DNAL1: variants seen among roughly 807,000 people sequenced by gnomAD.
DNAL1 encodes the protein chromosome 14 open reading frame 168.
A neutral mutation model predicts 29.4 loss-of-function variants in DNAL1; 17 were observed. That is an observed-to-expected ratio of 0.58 (90% CI 0.40 to 0.87). The LOEUF (loss-of-function observed/expected upper bound fraction) is 0.87. Among genes scored for constraint, DNAL1 ranks in the 40% least tolerant of loss-of-function variants. The pLI, the probability that DNAL1 is intolerant of heterozygous loss-of-function variation, is 0.00. For synonymous variants in DNAL1, 78 were observed against 76.3 expected, an observed-to-expected ratio of 1.02 and a Z score of -0.12; for missense variants, 188 against 214.1, an observed-to-expected ratio of 0.88 and a Z score of 0.76.
rs71112792 is a variant in DNAL1, at chr14:73,681,605, CAAAA to C, written c.265-5628_265-5625del. Among the ~76,000 whole-genome samples the C allele has an allele frequency of 1.8e-3, 97 of 52,768 alleles. 1 individual carries two copies. Among genetic ancestry groups the C allele is most frequent in the African/African-American group, 8.1e-3 (70 of 8,682 alleles). 34.6% of individuals were successfully genotyped at this position (52,768 alleles called of 152,430 possible). ...CAACATAGCGAGACCCCATCTCTAC[CAAAA>C]AAAAAAAAAAAAAAAAAAAAAAAAA... On this transcript the variant is annotated intron_variant, in intron 5 of 7. Coordinates refer to ENST00000553645, the MANE Select transcript of DNAL1 (RefSeq NM_031427.4).
intron 1 of DNAL1, among the ~76,000 whole-genome samples, chr14:73,646,154 T>C (rs1890971902): frequency 6.6e-6 from 1 of 152,226 alleles, no homozygotes; most frequent in South Asian, 2.1e-4. Flanking sequence ...TTCTGGAACC[T>C]AGGTTTATAT....
intron 4 of DNAL1, among the ~76,000 whole-genome samples, chr14:73,668,536 C>A (rs187931198): frequency 1.3e-5 from 2 of 152,170 alleles, no homozygotes; most frequent in East Asian, 3.9e-4. Context: ...GTAACAAAGT[C>A]CCACAGATTG....
intron 2 of DNAL1, among the ~76,000 whole-genome samples, chr14:73,656,830 T>C (rs1327945940): frequency 6.6e-6 from 1 of 152,194 alleles, no homozygotes; most frequent in African/African-American, 2.4e-5. Context: ...TCTCCTCCTC[T>C]AACCTACAAA....
intron 5 of DNAL1, among the ~76,000 whole-genome samples, chr14:73,682,705 C>T (rs1249835243): frequency 1.3e-5 from 2 of 151,654 alleles, no homozygotes; most frequent in Admixed American, 6.6e-5. Context: ...ATACATTAGC[C>T]TAGGCCTACC....
chr14:73,681,622 AAAAAAAAAAAAATAT>A (rs1448715939), intron 5 of DNAL1, among the ~76,000 whole-genome samples: 3 of 47,700 alleles, frequency 6.3e-5, no homozygotes, highest in African/African-American at 2.0e-4. Context: ...AAAAAAAAAA[AAAAAAAAAAAAATAT>A]ATATATATAT....
chr14:73,685,433 CGT>C (rs894815896), intron 5 of DNAL1, among the ~76,000 whole-genome samples: 1 of 149,612 alleles, frequency 6.7e-6, no homozygotes, highest in African/African-American at 2.5e-5. Flanking sequence ...CATGTTGTAG[CGT>C]GTGTCAGAAT....
intron 1 of DNAL1, among the ~76,000 whole-genome samples, chr14:73,647,650 T>C (rs2077880666): frequency 6.6e-6 from 1 of 152,190 alleles, no homozygotes; most frequent in African/African-American, 2.4e-5. Context: ...GTTGGCCAGT[T>C]TTACTTATTA....
chr14:73,685,041 T>C (rs1261505117), intron 5 of DNAL1, among the ~76,000 whole-genome samples: 1 of 152,218 alleles, frequency 6.6e-6, no homozygotes, highest in Non-Finnish European at 1.5e-5. Flanking sequence ...CCTTAAAAAA[T>C]CATAAATTTT....
chr14:73,687,089 T>C (rs1892036710), intron 5 of DNAL1, among the ~76,000 whole-genome samples, 170 bp from the exon 6 acceptor site: 1 of 151,066 alleles, frequency 6.6e-6, no homozygotes, highest in Non-Finnish European at 1.5e-5. Context: ...ATGTTCTACT[T>C]AGCTCCCTCA....
At chr14:73,694,138 G>A (rs948766372) in intron 7 of DNAL1, among the ~76,000 whole-genome samples, 2 of 151,514 alleles carry the variant, frequency 1.3e-5, no homozygotes, top group African/African-American at 4.9e-5. Context: ...GGGCACGGTG[G>A]CATGCACCTG....
Position 73,701,023 on chromosome 14 carries a change from A to C in DNAL1, c.*5081A>C, listed in dbSNP as rs1007345731. Reference sequence around the variant, plus strand: ...TGTATCTCTATTCCTGCATTTTATAAATCTGTAAAGGAAGAAAACTGAAAG... The same window carrying C: ...TGTATCTCTATTCCTGCATTTTATACATCTGTAAAGGAAGAAAACTGAAAG... On this transcript the variant is annotated 3_prime_UTR_variant, in exon 8 of 8. Transcript: ENST00000553645. 6.6e-6 allele frequency: 1 copy of C among 152,246 alleles called. No homozygotes were observed. Among genetic ancestry groups the C allele is most frequent in the African/African-American group, 2.4e-5 (1 of 41,468 alleles). The allele number at this position is 152,246 out of a possible 1,614,324, so 9.4% of individuals were successfully genotyped here. A position where few individuals can be genotyped will look rare whatever the true frequency, so the allele number is the denominator to read the frequency against.
At chr14:73,666,502 A>G (rs1441291621) in intron 4 of DNAL1, among the ~76,000 whole-genome samples, 1 of 152,224 alleles carries the variant, frequency 6.6e-6, no homozygotes, top group Non-Finnish European at 1.5e-5. Context: ...ATACTGTATG[A>G]AGAAAACAAT....
At chr14:73,691,846 ACCC>A (rs775100350) in intron 7 of DNAL1, among the ~76,000 whole-genome samples, 34 of 102,982 alleles carry the variant, frequency 3.3e-4, no homozygotes, top group Admixed American at 6.9e-4. Flanking sequence ...GGCGTGCGCC[ACCC>A]CCCCCCCCCA....
At position 73,702,078 on chromosome 14, in the gene DNAL1, GGTGTGTGTGTGTGTGT is replaced by G. The variant is rs10679978; in HGVS notation, c.*6148_*6163del. On this transcript the variant is annotated 3_prime_UTR_variant, in exon 8 of 8. Transcript: ENST00000553645. ...ATAACATGTACCATGCAGTTTGTGT[GGTGTGTGTGTGTGTGT>G]GTGTGTGTGTGCACGTGCATGAGAG... The G allele has an allele frequency of 4.1e-5, 6 of 147,652 alleles. No individual in the cohort carries two copies. Among genetic ancestry groups the G allele is most frequent in the African/African-American group, 1.5e-4 (6 of 38,954 alleles). The allele number at this position is 147,652 out of a possible 1,614,324, so 9.1% of individuals were successfully genotyped here. A position where few individuals can be genotyped will look rare whatever the true frequency, so the allele number is the denominator to read the frequency against.
chr14:73,660,859 A>C (rs1891325625), intron 3 of DNAL1, among the ~76,000 whole-genome samples: 1 of 152,208 alleles, frequency 6.6e-6, no homozygotes, highest in South Asian at 2.1e-4. Context: ...ACCTCGAGTC[A>C]ACCTGTTCAT....
chr14:73,676,771 G>A (rs1030729502), intron 5 of DNAL1, among the ~76,000 whole-genome samples: 1 of 151,624 alleles, frequency 6.6e-6, no homozygotes, highest in South Asian at 2.1e-4. Context: ...ATGTCCCTCA[G>A]CAGTTATTTG....
chr14:73,684,639 A>G (rs1458544279), intron 5 of DNAL1, among the ~76,000 whole-genome samples: 3 of 152,172 alleles, frequency 2.0e-5, no homozygotes, highest in Admixed American at 6.5e-5. Context: ...GCTCACGCCT[A>G]TAGTCCTAGC....
chr14:73,686,699 C>T (rs895930659), intron 5 of DNAL1, among the ~76,000 whole-genome samples: 7 of 152,196 alleles, frequency 4.6e-5, no homozygotes, highest in Admixed American at 2.6e-4. Context: ...CAGAGTGAGA[C>T]CCTGTCTCAA....
At chr14:73,678,283 T>A (rs1891792995) in intron 5 of DNAL1, among the ~76,000 whole-genome samples, 1 of 152,154 alleles carries the variant, frequency 6.6e-6, no homozygotes, top group Non-Finnish European at 1.5e-5. Flanking sequence ...TCTACTAGAT[T>A]TATCTTTTTC....
Sources: allele counts gnomAD v4.1 joint callset (sites outside exome capture counted in the v4.1 genomes callset), GRCh38; gene constraint gnomAD v4.1.1; transcripts MANE v1.5; gene names NCBI Gene and HGNC (gene_info 2026-07-23, HGNC 2026-07-21).